The following KIF5C variants were observed in gnomAD, a reference collection of about 807,000 sequenced individuals.
KIF5C encodes kinesin family member 5C.
In KIF5C, 18 loss-of-function variants were observed where a neutral mutation model predicts 125.2. That is an observed-to-expected ratio of 0.14 (90% CI 0.10 to 0.21). KIF5C has a LOEUF of 0.21. KIF5C is among the 10% of genes least tolerant of loss of function. The pLI is 1.00. For synonymous variants in KIF5C, 405 were observed against 434.0 expected, an observed-to-expected ratio of 0.93 and a Z score of 0.83; for missense variants, 780 against 1,183.8, an observed-to-expected ratio of 0.66 and a Z score of 5.01.
At chr2:148,939,110 A>T (rs938768138) in intron 4 of KIF5C, among the ~76,000 whole-genome samples, 18 of 152,002 alleles carry the variant, frequency 1.2e-4, no homozygotes, top group African/African-American at 4.3e-4. Context: ...AAAAAAAAAA[A>T]AAAGACGCAG....
intron 2 of KIF5C, among the ~76,000 whole-genome samples, chr2:148,928,391 C>T (rs189605597): frequency 6.6e-6 from 1 of 152,250 alleles, no homozygotes; most frequent in Admixed American, 6.5e-5. Flanking sequence ...ATTAATGATG[C>T]ATTGTTCCTC....
chr2:148,968,176 G>T (rs1038073158), intron 11 of KIF5C, among the ~76,000 whole-genome samples: 1 of 152,170 alleles, frequency 6.6e-6, no homozygotes, highest in Non-Finnish European at 1.5e-5. Flanking sequence ...TTGAATAATT[G>T]CCTATAAGAT....
intron 10 of KIF5C, among the ~76,000 whole-genome samples, chr2:148,955,190 T>C (rs1401847094): frequency 6.6e-6 from 1 of 152,148 alleles, no homozygotes; most frequent in Admixed American, 6.5e-5. Flanking sequence ...TTTGGGTGTT[T>C]TAGATGGGAA....
At chr2:148,889,720 A>G (rs1157163823) in intron 1 of KIF5C, among the ~76,000 whole-genome samples, 1 of 152,176 alleles carries the variant, frequency 6.6e-6, no homozygotes, top group African/African-American at 2.4e-5. Flanking sequence ...GACACCACTT[A>G]CAAGGCATTA....
intron 11 of KIF5C, among the ~76,000 whole-genome samples, chr2:148,965,904 G>A (rs1365165550): frequency 6.6e-6 from 1 of 152,154 alleles, no homozygotes; most frequent in African/African-American, 2.4e-5. Flanking sequence ...AAAAAAAGGG[G>A]CACTGGAAGC....
At chr2:148,918,466 AATGTAATAGAGAG>A (rs1681649481) in intron 1 of KIF5C, among the ~76,000 whole-genome samples, 1 of 152,252 alleles carries the variant, frequency 6.6e-6, no homozygotes, top group Non-Finnish European at 1.5e-5. Flanking sequence ...TAATTCAGGT[AATGTAATAGAGAG>A]TGATACCTGG....
At chr2:148,975,043 G>A (rs73965234) in intron 12 of KIF5C, among the ~76,000 whole-genome samples, 21,326 of 152,226 alleles carry the variant, frequency 0.14, 2,139 homozygotes, top group Middle Eastern at 0.28. Context: ...GAGAGTCTCC[G>A]TCTCCTGATG....
chr2:148,918,098 A>C (rs960618087), intron 1 of KIF5C, among the ~76,000 whole-genome samples: 5 of 152,178 alleles, frequency 3.3e-5, no homozygotes, highest in African/African-American at 1.2e-4. Flanking sequence ...AATTTGATAG[A>C]GTTCTGGTGG....
chr2:148,991,711 G>A (rs1479990295), intron 16 of KIF5C, among the ~76,000 whole-genome samples: 12 of 152,146 alleles, frequency 7.9e-5, no homozygotes, highest in Admixed American at 6.5e-4. Context: ...TCCTCAGATA[G>A]GCAGCTGAGA....
chr2:148,963,688 C>T (rs1682982107), intron 11 of KIF5C, among the ~76,000 whole-genome samples: 1 of 152,106 alleles, frequency 6.6e-6, no homozygotes, highest in African/African-American at 2.4e-5. Context: ...TTTCGGGAAT[C>T]CTCCAGGTCA....
At chr2:148,949,501 G>A (rs972760444) in intron 8 of KIF5C, among the ~76,000 whole-genome samples, 1 of 152,058 alleles carries the variant, frequency 6.6e-6, no homozygotes, top group Non-Finnish European at 1.5e-5. Context: ...TGGGGACTGC[G>A]GCTCAGTCTC....
intron 3 of KIF5C, among the ~76,000 whole-genome samples, chr2:148,930,063 T>C (rs1458155468): frequency 6.6e-6 from 1 of 152,254 alleles, no homozygotes; most frequent in Non-Finnish European, 1.5e-5. Context: ...GTGAAAATGG[T>C]ACCTGTGGTA....
At chr2:148,961,794 G>A (rs1018417128) in intron 10 of KIF5C, among the ~76,000 whole-genome samples, 177 bp from the exon 11 acceptor site, 3 of 152,224 alleles carry the variant, frequency 2.0e-5, no homozygotes, top group African/African-American at 7.2e-5. Flanking sequence ...ATGAGCTTGA[G>A]GCCTCAAGGG....
chr2:148,898,943 G>C (rs949389174), intron 1 of KIF5C, among the ~76,000 whole-genome samples: 2 of 152,196 alleles, frequency 1.3e-5, no homozygotes, highest in African/African-American at 4.8e-5. Context: ...AGCAACGAAT[G>C]TTCATGAGCT....
At chr2:148,997,670 C>G (rs942248579) in intron 18 of KIF5C, 1 of 312,470 alleles carries the variant, frequency 3.2e-6, no homozygotes, top group Non-Finnish European at 5.8e-6. Flanking sequence ...CTTCCTCCAA[C>G]CTTTACGCAG....
At chr2:148,994,952 C>T (rs1441259545) in intron 17 of KIF5C, among the ~76,000 whole-genome samples, 2 of 152,134 alleles carry the variant, frequency 1.3e-5, no homozygotes, top group Non-Finnish European at 2.9e-5. Flanking sequence ...CTGTCTACCT[C>T]AGCCTCCCAA....
At chr2:149,001,038 A>G (rs564268629) in intron 21 of KIF5C, among the ~76,000 whole-genome samples, 7 of 152,364 alleles carry the variant, frequency 4.6e-5, no homozygotes, top group African/African-American at 1.4e-4. Context: ...TAGCAATTTT[A>G]CAGCCCTGCA....
intron 10 of KIF5C, among the ~76,000 whole-genome samples, chr2:148,961,550 A>G (rs1264919220): frequency 2.6e-5 from 4 of 152,202 alleles, no homozygotes; most frequent in African/African-American, 9.7e-5. Context: ...CAAATTCATA[A>G]ATGTTAATTG....
chr2:148,926,456 A>C (rs1188101974), intron 2 of KIF5C, among the ~76,000 whole-genome samples: 3 of 152,188 alleles, frequency 2.0e-5, no homozygotes, highest in Non-Finnish European at 4.4e-5. Context: ...ACTCTAAAAC[A>C]AATGCATTCC....
Sources: allele counts gnomAD v4.1 joint callset (sites outside exome capture counted in the v4.1 genomes callset), GRCh38; gene constraint gnomAD v4.1.1; transcripts MANE v1.5; gene names NCBI Gene and HGNC (gene_info 2026-07-23, HGNC 2026-07-21).